ANKS1A: variants seen among roughly 807,000 people sequenced by gnomAD.
The protein encoded by ANKS1A is ankyrin repeat and SAM domain-containing protein 1A.
Under a neutral mutation model 120.3 loss-of-function variants are expected in ANKS1A, and 55 were observed. The ratio of observed to expected loss-of-function variants is 0.46; its 90% CI spans 0.37 to 0.57. The LOEUF (loss-of-function observed/expected upper bound fraction) is 0.57. Among genes scored for constraint, ANKS1A ranks in the 20% least tolerant of loss-of-function variants. The pLI is 0.00. For missense variants in ANKS1A, 1,123 were observed against 1,480.3 expected, an observed-to-expected ratio of 0.76 and a Z score of 3.96; for synonymous variants, 590 against 604.7, an observed-to-expected ratio of 0.98 and a Z score of 0.36.
chr6:34,997,028 G>A (rs1445142447), intron 10 of ANKS1A, among the ~76,000 whole-genome samples: 1 of 152,030 alleles, frequency 6.6e-6, no homozygotes, highest in Admixed American at 6.6e-5. Flanking sequence ...TTCCCATTTA[G>A]AATCAGCTTA....
Position 35,089,221 on chromosome 6 carries a change from G to A in ANKS1A, c.*612G>A, listed in dbSNP as rs903133119. On this transcript the variant is annotated 3_prime_UTR_variant, in exon 24 of 24. Transcript: ENST00000360359. ...TTCAGGGGCTAGACACAGGCTTCTCGTAAGAACACAGCCTTAGAGGCACCT... is the reference window on the plus strand; with the variant it reads ...TTCAGGGGCTAGACACAGGCTTCTCATAAGAACACAGCCTTAGAGGCACCT... 1.7e-5 allele frequency: 17 copies of A among 992,456 alleles called. No homozygotes were observed. Among genetic ancestry groups the A allele is most frequent in the African/African-American group, 1.2e-4 (7 of 57,392 alleles). 61.5% of individuals were successfully genotyped at this position (992,456 alleles called of 1,614,324 possible).
chr6:35,066,497 A>G (rs1037768926), intron 13 of ANKS1A, among the ~76,000 whole-genome samples: 1 of 151,956 alleles, frequency 6.6e-6, no homozygotes, highest in Non-Finnish European at 1.5e-5. Flanking sequence ...GAAGGCTGCC[A>G]TGTCTGCCCA....
At chr6:35,010,667 T>G (rs1355995182) in intron 10 of ANKS1A, among the ~76,000 whole-genome samples, 2 of 152,180 alleles carry the variant, frequency 1.3e-5, no homozygotes, top group African/African-American at 4.8e-5. Flanking sequence ...TCCATTGATC[T>G]AGAAAGAGCT....
chr6:34,999,972 C>CA (rs1264550302), intron 10 of ANKS1A, among the ~76,000 whole-genome samples: 1 of 151,516 alleles, frequency 6.6e-6, no homozygotes, highest in African/African-American at 2.4e-5. Flanking sequence ...GACAGAAAGT[C>CA]AAAGAGAGAA....
intron 10 of ANKS1A, among the ~76,000 whole-genome samples, chr6:34,996,601 T>C (rs1326526578): frequency 6.6e-6 from 1 of 151,894 alleles, no homozygotes; most frequent in Admixed American, 6.6e-5. Context: ...GCCTCCCGAG[T>C]AGCTGAGTCC....
chr6:35,085,215 G>A lies in ANKS1A; in HGVS notation c.3133-551G>A, dbSNP rs1777900831. On this transcript the variant is annotated intron_variant, in intron 21 of 23. Coordinates refer to ENST00000360359, the MANE Select transcript of ANKS1A (RefSeq NM_015245.3). The surrounding 1 kb of genome is among the most constrained non-coding windows in gnomAD (Gnocchi z 4.7). ...GGATATAATGTGGCCCACCTCAGGG[G>A]CCACTGTGAGATGGATGAGGTGGTC... 1.3e-5 allele frequency among the ~76,000 whole-genome samples: 2 copies of A among 152,166 alleles called. No homozygotes were observed. Among genetic ancestry groups the A allele is most frequent in the Non-Finnish European group, 2.9e-5 (2 of 68,028 alleles).
rs1428694342 is a variant in ANKS1A at position 35,057,620 on chromosome 6, C to T, written c.2078-2527C>T. ...GTACTTGGGATTTGGCCCTGGTTTC[C>T]CCCTTGCCCTTGGCCATCGCTGTCC... On this transcript the variant is annotated intron_variant, in intron 12 of 23. Coordinates refer to ENST00000360359, the MANE Select transcript of ANKS1A (RefSeq NM_015245.3). The surrounding 1 kb of genome is among the most constrained non-coding windows in gnomAD (Gnocchi z 4.1). Among the ~76,000 whole-genome samples the T allele has an allele frequency of 1.3e-5, 2 of 152,178 alleles. No individual in the cohort carries two copies. The highest frequency in any genetic ancestry group is 2.9e-5 in the Non-Finnish European group (2 of 68,034).
chr6:35,090,071 A>G lies in ANKS1A; in HGVS notation c.*1462A>G. On this transcript the variant is annotated 3_prime_UTR_variant, in exon 24 of 24. Coordinates refer to ENST00000360359, the MANE Select transcript of ANKS1A (RefSeq NM_015245.3). ...TGGGGCTGTGTCTCTGACTGGCTAG[A>G]GGCCAGGCCTTGTGGGTTTCTATCT... is the stretch of plus-strand genomic sequence containing the variant. 7.8e-7 allele frequency: 1 copy of G among 1,274,798 alleles called. No homozygotes were observed. The highest frequency in any genetic ancestry group is 1.0e-6 in the Non-Finnish European group (1 of 980,330). 79.0% of individuals were successfully genotyped at this position (1,274,798 alleles called of 1,614,324 possible). A position where few individuals can be genotyped will look rare whatever the true frequency, so the allele number is the denominator to read the frequency against.
At chr6:34,890,022 G>T (rs995169729) in intron 1 of ANKS1A, among the ~76,000 whole-genome samples, 3 of 152,158 alleles carry the variant, frequency 2.0e-5, no homozygotes, top group Non-Finnish European at 4.4e-5. Context: ...GGCTCCTCTG[G>T]AGGAAATTCT....
At chr6:34,915,711 T>C (rs779683321) in intron 1 of ANKS1A, among the ~76,000 whole-genome samples, 1 of 152,182 alleles carries the variant, frequency 6.6e-6, no homozygotes, top group Non-Finnish European at 1.5e-5. Flanking sequence ...AGGATTTCTT[T>C]CTTCTACTTC....
At chr6:34,899,003 C>T (rs1196538947) in intron 1 of ANKS1A, among the ~76,000 whole-genome samples, 1 of 152,058 alleles carries the variant, frequency 6.6e-6, no homozygotes, top group Non-Finnish European at 1.5e-5. Flanking sequence ...TTGATATATT[C>T]AATAGAATGG....
At chr6:35,080,728 T>A (rs12110520) in intron 16 of ANKS1A, among the ~76,000 whole-genome samples, 4,049 of 152,206 alleles carry the variant, frequency 0.027, 64 homozygotes, top group Middle Eastern at 0.054. Flanking sequence ...TGTTTGGTCA[T>A]GTGCAGAGGC....
chr6:35,064,602 G>A (rs1156652049), intron 13 of ANKS1A, among the ~76,000 whole-genome samples: 3 of 152,190 alleles, frequency 2.0e-5, no homozygotes, highest in African/African-American at 7.2e-5. Flanking sequence ...CCTGTCCCCT[G>A]GATTTGCTCC....
intron 14 of ANKS1A, 44 bp downstream of exon 14, chr6:35,078,700 G>T: frequency 6.4e-7 from 1 of 1,574,056 alleles, no homozygotes; most frequent in South Asian, 1.1e-5. Flanking sequence ...GCGGAGCCAG[G>T]GCCACCTCCC....
chr6:34,899,386 C>G (rs1415414697), intron 1 of ANKS1A, among the ~76,000 whole-genome samples: 1 of 151,894 alleles, frequency 6.6e-6, no homozygotes, highest in Non-Finnish European at 1.5e-5. Context: ...GTGGCTAATA[C>G]CTATAATCCC....
chr6:34,909,997 A>G (rs1297462136), intron 1 of ANKS1A, among the ~76,000 whole-genome samples: 1 of 152,200 alleles, frequency 6.6e-6, no homozygotes, highest in East Asian at 1.9e-4. Context: ...CTGGGGTAGT[A>G]ACAGAGGTGA....
At chr6:34,967,386 A>G in intron 2 of ANKS1A, 67 bp downstream of exon 2, 1 of 1,530,442 alleles carries the variant, frequency 6.5e-7, no homozygotes, top group Middle Eastern at 1.8e-4. Context: ...TTGCCTTTTC[A>G]TTTCCTAGAA....
chr6:35,045,849 C>A (rs953368714), intron 11 of ANKS1A, among the ~76,000 whole-genome samples: 1 of 152,130 alleles, frequency 6.6e-6, no homozygotes, highest in Non-Finnish European at 1.5e-5. Flanking sequence ...CAGCCCAGGA[C>A]CTAACACCCT....
At chr6:35,022,897 G>A (rs1219078999) in intron 11 of ANKS1A, among the ~76,000 whole-genome samples, 4 of 152,120 alleles carry the variant, frequency 2.6e-5, no homozygotes, top group Non-Finnish European at 5.9e-5. Context: ...GATTCAGATC[G>A]TCATTCTAAA....
Sources: allele counts gnomAD v4.1 joint callset (sites outside exome capture counted in the v4.1 genomes callset), GRCh38; gene constraint gnomAD v4.1.1; non-coding constraint Gnocchi (gnomAD v3.1); transcripts MANE v1.5; gene names NCBI Gene and HGNC (gene_info 2026-07-23, HGNC 2026-07-21).